ALX3: variants seen among roughly 807,000 people sequenced by gnomAD.
The protein encoded by ALX3 is homeobox protein aristaless-like 3.
A neutral mutation model predicts 26.3 loss-of-function variants in ALX3; 17 were observed. That is an observed-to-expected ratio of 0.65 (90% CI 0.44 to 0.97). The LOEUF (loss-of-function observed/expected upper bound fraction) is 0.97. Among genes scored for constraint, ALX3 ranks in the 50% least tolerant of loss-of-function variants. ALX3 has a pLI of 0.00. For synonymous variants in ALX3, 208 were observed against 201.4 expected (o/e 1.03, Z -0.28); for missense variants, 461 against 466.5 (o/e 0.99, Z 0.11).
rs116534850 is a variant in ALX3, at chr1:110,062,709, A to G, written c.595-1146T>C. ...CCCCCATGGTCATTCCTACACATGCAGGCAGGTAAGGCACCAACAGTGAAG... is the reference window on the plus strand; with the variant it reads ...CCCCCATGGTCATTCCTACACATGCGGGCAGGTAAGGCACCAACAGTGAAG... On this transcript the variant is annotated intron_variant, in intron 2 of 3. Transcript: ENST00000647563. 3.0e-4 allele frequency among the ~76,000 whole-genome samples: 46 copies of G among 150,844 alleles called. 2 individuals carry two copies. The highest frequency in any genetic ancestry group is 1.1e-3 in the African/African-American group (46 of 40,792).
rs758063471 is a variant in ALX3 at position 110,064,815 on chromosome 1, T to G, written c.366A>C (p.Gln122His). The change falls in exon 2 of 4, where the codon CAA becomes CAC. Residue 122 changes from glutamine (Q) to histidine (H), a missense_variant. By Grantham distance (24) the Gln-to-His change is conservative (BLOSUM62 0). Around this residue, in one of 3 missense-constraint regions of ALX3, gnomAD observed 241 missense variants for 206.1 expected, o/e 1.17. Transcript: ENST00000647563. Reference sequence around the variant, plus strand: ...TGGCCAGGCAGGGGCCTGGGGAGCCTTGCAAGTTAGAGGGCCCGTCTCTGG... The same window carrying G: ...TGGCCAGGCAGGGGCCTGGGGAGCCGTGCAAGTTAGAGGGCCCGTCTCTGG... ...GGPRDGPSNLQGSPGPCLASL... is the reference protein window; with the variant it reads ...GGPRDGPSNLHGSPGPCLASL... The G allele has an allele frequency of 3.1e-6, 5 of 1,613,080 alleles. No homozygotes were observed. The South Asian group carries it at 5.5e-5, about 18-fold the overall frequency.
chr1:110,064,844 C>A lies in ALX3; in HGVS notation c.337G>T (p.Gly113Cys). ...AAGTTAGAGGGCCCGTCTCTGGGGC[C>A]CCCTCGGCAGTCCAAGGGCAGCTGG... ...FPQLPLDCRG[G>C]PRDGPSNLQG... The change falls in exon 2 of 4, where the codon GGC becomes TGC. Residue 113 changes from glycine to cysteine, a missense_variant. By Grantham distance (159) the Gly-to-Cys change is radical (BLOSUM62 -3). Around this residue, in one of 3 missense-constraint regions of ALX3, gnomAD observed 241 missense variants for 206.1 expected, o/e 1.17. Coordinates refer to ENST00000647563, the MANE Select transcript of ALX3 (RefSeq NM_006492.3). 2 of 1,613,204 alleles carry A rather than the reference C, an allele frequency of 1.2e-6. No individual in the cohort carries two copies. The highest frequency in any genetic ancestry group is 2.2e-5 in the East Asian group (1 of 44,840).
rs775577933 is a variant in ALX3 at position 110,060,756 on chromosome 1, C to T, written c.1009G>A (p.Gly337Ser). Residue 337 changes from glycine to serine, a missense_variant, in exon 4 of 4, where the codon GGC (glycine) becomes AGC (serine). Transcript: ENST00000647563. ...SLRVKPKEPPGLLNWTT is the reference protein window; with the variant it reads ...SLRVKPKEPPSLLNWTT ...GATCACGTGGTCCAGTTCAGAAGGC[C>T]GGGTGGCTCCTTGGGCTTTACCCTG... 21 of 1,504,826 alleles carry T rather than the reference C, an allele frequency of 1.4e-5. No individual in the cohort carries two copies. Among genetic ancestry groups the T allele is most frequent in the East Asian group, 2.6e-5 (1 of 39,142 alleles). The allele number at this position is 1,504,826 out of a possible 1,614,324, so 93.2% of individuals were successfully genotyped here. A position where few individuals can be genotyped will look rare whatever the true frequency, so the allele number is the denominator to read the frequency against.
intron 2 of ALX3, among the ~76,000 whole-genome samples, 158 bp downstream of exon 2, chr1:110,064,429 G>A (rs1367467435): frequency 6.6e-6 from 1 of 152,224 alleles, no homozygotes; most frequent in Non-Finnish European, 1.5e-5. Context: ...GCAGAGCTGG[G>A]CATGAGGGTG....
intron 2 of ALX3, among the ~76,000 whole-genome samples, chr1:110,063,738 C>T (rs936128909): frequency 1.3e-5 from 2 of 151,642 alleles, no homozygotes; most frequent in African/African-American, 2.4e-5. Flanking sequence ...CTGCTTTGAT[C>T]GAGCCGGTTC....
chr1:110,067,438 C>T (rs956886024), intron 1 of ALX3, among the ~76,000 whole-genome samples: 1 of 152,142 alleles, frequency 6.6e-6, no homozygotes, highest in Non-Finnish European at 1.5e-5. Flanking sequence ...AGCTGTTGGG[C>T]GTGAAAGCCA....
At chr1:110,063,663 C>T (rs951037693) in intron 2 of ALX3, among the ~76,000 whole-genome samples, 1 of 151,782 alleles carries the variant, frequency 6.6e-6, no homozygotes, top group African/African-American at 2.4e-5. Context: ...AAGAGGTCAC[C>T]TCCTCACCTT....
chr1:110,061,870 C>T (rs1476863100), intron 2 of ALX3: 7 of 447,324 alleles, frequency 1.6e-5, no homozygotes, highest in Non-Finnish European at 2.9e-5. Context: ...CTGTGGGCCT[C>T]AGGGGCCCTA....
chr1:110,065,147 C>T (rs1653752527), intron 1 of ALX3, among the ~76,000 whole-genome samples: 1 of 152,154 alleles, frequency 6.6e-6, no homozygotes, highest in South Asian at 2.1e-4. Flanking sequence ...TCTGCTGGGG[C>T]CAGAGTGGGG....
intron 1 of ALX3, among the ~76,000 whole-genome samples, chr1:110,069,794 C>G (rs1436222634): frequency 2.0e-5 from 3 of 152,190 alleles, no homozygotes; most frequent in Non-Finnish European, 2.9e-5. Context: ...AGCACCCTTC[C>G]TGTGAAGGCT....
At chr1:110,063,753 C>T (rs1409046222) in intron 2 of ALX3, among the ~76,000 whole-genome samples, 2 of 151,802 alleles carry the variant, frequency 1.3e-5, no homozygotes, top group African/African-American at 4.8e-5. Flanking sequence ...CGGTTCAGTG[C>T]AAGCCAGTGA....
chr1:110,060,740 G>C lies in ALX3; in HGVS notation c.1025C>G (p.Thr342Ser), dbSNP rs765702189. Residue 342 changes from threonine to serine, a missense_variant, in exon 4 of 4, where the codon ACC (threonine) becomes AGC (serine). By Grantham distance (58) the Thr-to-Ser change is moderately conservative. Transcript: ENST00000647563. ...PKEPPGLLNW[T>S]T ...GCAGGTCCATGCAACCGATCACGTG[G>C]TCCAGTTCAGAAGGCCGGGTGGCTC... is the stretch of plus-strand genomic sequence containing the variant. The C allele has an allele frequency of 5.4e-6, 8 of 1,495,140 alleles. No individual in the cohort carries two copies. In the African/African-American group the frequency reaches 1.2e-4, roughly 22 times the overall value. 92.6% of individuals were successfully genotyped at this position (1,495,140 alleles called of 1,614,324 possible).
In ALX3 at chr1:110,064,978, A is replaced by G. The variant is rs1385875861; in HGVS notation, c.278-75T>C. ...TGTGGGTTGGAATGGAGGGAGGGGGAAGAACATTGACGCCTCAGTCTCCGC... is the reference window on the plus strand; with the variant it reads ...TGTGGGTTGGAATGGAGGGAGGGGGGAGAACATTGACGCCTCAGTCTCCGC... On this transcript the variant is annotated intron_variant, in intron 1 of 3. Coordinates refer to ENST00000647563, the MANE Select transcript of ALX3 (RefSeq NM_006492.3). 89 of 1,394,510 alleles carry G rather than the reference A, an allele frequency of 6.4e-5. No individual in the cohort carries two copies. In the Admixed American group the frequency reaches 2.2e-3, roughly 34 times the overall value. 86.4% of individuals were successfully genotyped at this position (1,394,510 alleles called of 1,614,324 possible).
chr1:110,065,051 G>C (rs1653750544), intron 1 of ALX3, 148 bp from the exon 2 acceptor site: 3 of 869,002 alleles, frequency 3.5e-6, no homozygotes, highest in South Asian at 1.8e-5. Flanking sequence ...ACCCTCCATG[G>C]GAGCCTGGCA....
At chr1:110,062,346 C>T (rs1653669795) in intron 2 of ALX3, 3 of 152,318 alleles carry the variant, frequency 2.0e-5, no homozygotes, top group African/African-American at 7.2e-5. Context: ...TATTTGTGAG[C>T]CCTTGGCAGA....
At chr1:110,063,824 T>C (rs150295597) in intron 2 of ALX3, among the ~76,000 whole-genome samples, 50 of 152,072 alleles carry the variant, frequency 3.3e-4, no homozygotes, top group African/African-American at 1.2e-3. Context: ...CCCAGCCTGC[T>C]TGCCACCTTC....
At chr1:110,070,252 A>AT in intron 1 of ALX3, 84 bp downstream of exon 1, 2 of 1,254,826 alleles carry the variant, frequency 1.6e-6, no homozygotes, top group Non-Finnish European at 2.0e-6. Flanking sequence ...AGCGGGAGAG[A>AT]TAAGCAGGAA....
chr1:110,061,548 G>C lies in ALX3; in HGVS notation c.610C>G (p.Arg204Gly). ...EARVQVWFQNRRAKWRKRERY... is the reference protein window; with the variant it reads ...EARVQVWFQNGRAKWRKRERY... ...TCGCGCTTCCGCCACTTGGCTCTGC[G>C]GTTCTGGAACCAGACCTGGGGGCAG... is the stretch of plus-strand genomic sequence containing the variant. The change falls in exon 3 of 4, where the codon CGC (arginine) becomes GGC (glycine). Residue 204 changes from arginine to glycine, a missense_variant. By Grantham distance (125) the Arg-to-Gly change is moderately radical. This residue lies in a region of ALX3 where 51 missense variants were observed against 82.4 expected (regional missense o/e 0.62). Coordinates refer to ENST00000647563, the MANE Select transcript of ALX3 (RefSeq NM_006492.3). 6.2e-7 allele frequency: 1 copy of C among 1,614,202 alleles called. No homozygotes were observed. Among genetic ancestry groups the C allele is most frequent in the Non-Finnish European group, 8.5e-7 (1 of 1,180,038 alleles).
At chr1:110,062,646 G>GCGCGCGCGC in intron 2 of ALX3, 1 of 126,238 alleles carries the variant, frequency 7.9e-6, no homozygotes, top group African/African-American at 2.8e-5. Flanking sequence ...TGTGTGTGTG[G>GCGCGCGCGC]AGTAATCCGT....
Sources: allele counts gnomAD v4.1 joint callset (sites outside exome capture counted in the v4.1 genomes callset), GRCh38; gene constraint gnomAD v4.1.1; regional missense constraint gnomAD v4.1.1; transcripts MANE v1.5; gene names NCBI Gene and HGNC (gene_info 2026-07-23, HGNC 2026-07-21).